Variants in TANC1 observed in about 807,000 individuals in gnomAD.
TANC1 encodes tetratricopeptide repeat, ankyrin repeat and coiled-coil containing 1, also known as protein TANC1.
Under a neutral mutation model 149.7 loss-of-function variants are expected in TANC1, and 77 were observed. The ratio of observed to expected loss-of-function variants is 0.51; its 90% confidence interval spans 0.43 to 0.62. The LOEUF is 0.62. Ranked by LOEUF, TANC1 falls within the 20% of genes least tolerant of loss-of-function variation. The pLI is 0.00. For synonymous variants in TANC1, 854 were observed against 925.0 expected, an observed-to-expected ratio of 0.92 and a Z score of 1.39; for missense variants, 1,985 against 2,321.8, an observed-to-expected ratio of 0.85 and a Z score of 2.98.
intron 19 of TANC1, among the ~76,000 whole-genome samples, chr2:159,217,215 C>T (rs1269447495): frequency 6.6e-6 from 1 of 152,200 alleles, no homozygotes; most frequent in Admixed American, 6.5e-5. Flanking sequence ...GGTCTCACCA[C>T]AGGACTGCTT....
At chr2:158,976,369 C>T (rs965369077) in intron 1 of TANC1, among the ~76,000 whole-genome samples, 1 of 152,156 alleles carries the variant, frequency 6.6e-6, no homozygotes, top group Admixed American at 6.6e-5. Context: ...TACCCTCATT[C>T]TTATTCTTGC....
chr2:158,983,266 G>A (rs2034585078), intron 1 of TANC1, among the ~76,000 whole-genome samples: 1 of 151,916 alleles, frequency 6.6e-6, no homozygotes, highest in Non-Finnish European at 1.5e-5. Flanking sequence ...AGGAGATCGA[G>A]ACCATCTTGG....
intron 3 of TANC1, among the ~76,000 whole-genome samples, chr2:159,079,426 T>C (rs914750064): frequency 2.1e-5 from 3 of 144,702 alleles, no homozygotes; most frequent in Non-Finnish European, 3.0e-5. Flanking sequence ...ACATCATCAA[T>C]AGCTTATTAA....
intron 19 of TANC1, among the ~76,000 whole-genome samples, chr2:159,209,662 C>T (rs2058856365): frequency 6.6e-6 from 1 of 152,140 alleles, no homozygotes; most frequent in Admixed American, 6.5e-5. Context: ...CAGTCATTCC[C>T]AGAGTTTAAA....
rs550874983 is a variant in TANC1 at position 159,009,567 on chromosome 2, A to G, written c.-16+8378A>G. Among the ~76,000 whole-genome samples, 29 of 152,320 alleles carry G rather than the reference A, an allele frequency of 1.9e-4. 1 individual carries two copies. The highest frequency in any genetic ancestry group is 6.7e-4 in the African/African-American group (28 of 41,576). ...TGTTGATCTCATGGAAGTAGAGAGTAGAATAGTGGTTACTAGAGGCTGGGA... is the reference window on the plus strand; with the variant it reads ...TGTTGATCTCATGGAAGTAGAGAGTGGAATAGTGGTTACTAGAGGCTGGGA... On this transcript the variant is annotated intron_variant, in intron 2 of 26. Transcript: ENST00000263635.
chr2:159,042,234 C>T (rs144463902), intron 2 of TANC1, among the ~76,000 whole-genome samples: 70 of 152,322 alleles, frequency 4.6e-4, no homozygotes, highest in African/African-American at 1.6e-3. Context: ...AACCTGTTAG[C>T]ACCCTGGTGC....
At chr2:158,979,883 T>C (rs554087366) in intron 1 of TANC1, among the ~76,000 whole-genome samples, 1 of 152,316 alleles carries the variant, frequency 6.6e-6, no homozygotes, top group South Asian at 2.1e-4. Flanking sequence ...AATCAAAACA[T>C]GTTAAAGAGT....
At chr2:159,081,677 A>G (rs2044287508) in intron 3 of TANC1, among the ~76,000 whole-genome samples, 1 of 152,098 alleles carries the variant, frequency 6.6e-6, no homozygotes, top group African/African-American at 2.4e-5. Flanking sequence ...CTTTGCTTAT[A>G]TGCTTTTTTT....
chr2:159,175,880 A>G (rs1228791526), intron 12 of TANC1, among the ~76,000 whole-genome samples: 2 of 152,244 alleles, frequency 1.3e-5, no homozygotes, highest in Non-Finnish European at 2.9e-5. Context: ...AGGAGTCGGT[A>G]GCGTGGAGCT....
chr2:159,117,629 C>T (rs1177973860), intron 4 of TANC1, among the ~76,000 whole-genome samples: 1 of 151,452 alleles, frequency 6.6e-6, no homozygotes, highest in East Asian at 1.9e-4. Context: ...ATCTCCTGAC[C>T]TCGTGACCCG....
intron 2 of TANC1, among the ~76,000 whole-genome samples, chr2:159,024,767 C>A (rs1388386060): frequency 2.0e-5 from 3 of 151,418 alleles, no homozygotes; most frequent in Non-Finnish European, 4.4e-5. Context: ...AAAAAAAAAT[C>A]TTTTAGATCA....
At chr2:159,028,514 G>GTTTGTA (rs1434403553) in intron 2 of TANC1, among the ~76,000 whole-genome samples, 1 of 152,166 alleles carries the variant, frequency 6.6e-6, no homozygotes, top group African/African-American at 2.4e-5. Context: ...GAATCCTTGA[G>GTTTGTA]TTTGTATCCT....
In TANC1 at chr2:159,227,962, A is replaced by C. The variant is rs2288110; in HGVS notation, c.4047A>C (p.Thr1349=). The change falls in exon 25 of 27, where the codon ACA becomes ACC. Residue 1349 remains threonine, a synonymous_variant. Transcript: ENST00000263635. The part of the protein sequence containing the change: ...YLNLSRCRRK[T]NDFGMAEEFA... The stretch of plus-strand genomic sequence containing the variant: ...ATTTGTCGCGATGCCGAAGAAAAAC[A>C]AATGTAAGCTGTGCCCCTTTATTCC... The C allele has an allele frequency of 0.38, 617,670 of 1,611,172 alleles. 123,782 individuals are homozygous for C. The highest frequency in any genetic ancestry group is 0.62 in the East Asian group (27,814 of 44,850).
rs777634469 is a variant in TANC1 at position 159,163,553 on chromosome 2, C to A, written c.946+7C>A. 1.6e-5 allele frequency: 25 copies of A among 1,606,556 alleles called. No individual in the cohort carries two copies. Among genetic ancestry groups the A allele is most frequent in the Non-Finnish European group, 2.0e-5 (24 of 1,175,810 alleles). ...CGGCCCAACTCAGTTGCAGGTAAGG[C>A]CACACCTTTCCCTGGAAGGATTATC... is the stretch of plus-strand genomic sequence containing the variant. On this transcript the variant is annotated splice_region_variant and intron_variant, in intron 8 of 26. Coordinates refer to ENST00000263635, the MANE Select transcript of TANC1 (RefSeq NM_033394.3).
intron 24 of TANC1, 41 bp downstream of exon 24, chr2:159,225,820 G>C (rs17604591): frequency 0.039 from 56,449 of 1,433,642 alleles, 3,657 homozygotes; most frequent in East Asian, 0.24. Context: ...GAAACTGCCT[G>C]GGAGCACCCT....
intron 4 of TANC1, among the ~76,000 whole-genome samples, chr2:159,111,775 T>C (rs947965675): frequency 2.0e-5 from 3 of 152,190 alleles, no homozygotes; most frequent in African/African-American, 7.2e-5. Flanking sequence ...TGATGCCAGA[T>C]GGAGGCGTCC....
chr2:159,141,879 G>A (rs927209947), intron 5 of TANC1, among the ~76,000 whole-genome samples: 1 of 152,194 alleles, frequency 6.6e-6, no homozygotes, highest in African/African-American at 2.4e-5. Context: ...CCCTCTGTGT[G>A]TCTCTTACAA....
intron 7 of TANC1, among the ~76,000 whole-genome samples, chr2:159,158,347 G>A (rs1434421665): frequency 1.3e-5 from 2 of 151,998 alleles, no homozygotes; most frequent in East Asian, 1.9e-4. Flanking sequence ...GCAACAGAGC[G>A]AGACCCTGTC....
intron 5 of TANC1, chr2:159,147,623 C>G (rs761637958): frequency 6.6e-6 from 1 of 152,394 alleles, no homozygotes; most frequent in Non-Finnish European, 1.5e-5. Flanking sequence ...GCTCCTTTTC[C>G]CTGTGTTGGC....
Sources: allele counts gnomAD v4.1 joint callset (sites outside exome capture counted in the v4.1 genomes callset), GRCh38; gene constraint gnomAD v4.1.1; transcripts MANE v1.5; gene names NCBI Gene and HGNC (gene_info 2026-07-23, HGNC 2026-07-21).